The following APOL1 variants were observed in gnomAD, a reference collection of about 807,000 sequenced individuals.
APOL1 encodes apolipoprotein L 1.
APOL1 carries 17 observed loss-of-function variants against 14.9 expected under a neutral mutation model. The observed-to-expected ratio is 1.14, with a 90% confidence interval of 0.78 to 1.71. The LOEUF (loss-of-function observed/expected upper bound fraction) is 1.71, where lower values mean the gene tolerates loss of function less well. APOL1 is among the 40% of genes most tolerant of loss of function. APOL1 has a pLI of 0.00. For missense variants in APOL1, 523 were observed against 485.9 expected, an observed-to-expected ratio of 1.08 and a Z score of -0.72; for synonymous variants, 195 against 184.8, an observed-to-expected ratio of 1.05 and a Z score of -0.45.
intron 4 of APOL1, among the ~76,000 whole-genome samples, chr22:36,260,789 TA>T (rs1360866318): frequency 2.6e-5 from 4 of 152,192 alleles, no homozygotes; most frequent in Non-Finnish European, 5.9e-5. Context: ...GAATTTACAT[TA>T]AGGGATATAT....
chr22:36,265,920 G>C lies in APOL1; in HGVS notation c.1084G>C (p.Gly362Arg). Residue 362 changes from glycine to arginine, a missense_variant, in exon 6 of 6, where the codon GGG (glycine) becomes CGG (arginine). By Grantham distance (125) the Gly-to-Arg change is moderately radical (BLOSUM62 -2). Transcript: ENST00000397278. Reference sequence around the variant, plus strand: ...GTACGAATCAAAGCACTTACATGAGGGGGCAAAGTCAGAGACAGCTGAGGA... The same window carrying C: ...GTACGAATCAAAGCACTTACATGAGCGGGCAAAGTCAGAGACAGCTGAGGA... Reference protein sequence around the residue: ...LVYESKHLHEGAKSETAEELK... With the variant: ...LVYESKHLHERAKSETAEELK... 1 of 1,614,154 alleles carries C rather than the reference G, an allele frequency of 6.2e-7. No homozygotes were observed. The highest frequency in any genetic ancestry group is 8.5e-7 in the Non-Finnish European group (1 of 1,180,030).
At chr22:36,260,662 G>A (rs1018775325) in intron 4 of APOL1, among the ~76,000 whole-genome samples, 1 of 152,214 alleles carries the variant, frequency 6.6e-6, no homozygotes, top group Admixed American at 6.5e-5. Flanking sequence ...ATGTGTGGGT[G>A]TGATTACAGG....
intron 4 of APOL1, among the ~76,000 whole-genome samples, chr22:36,260,467 A>C (rs2016043126): frequency 6.6e-6 from 1 of 152,240 alleles, no homozygotes; most frequent in African/African-American, 2.4e-5. Context: ...CAGTGCACAC[A>C]CAAATACATA....
At position 36,259,598 on chromosome 22, in the gene APOL1, C is replaced by T. The variant is rs561199378; in HGVS notation, c.188-1998C>T. The T allele has an allele frequency of 5.1e-4, 626 of 1,231,896 alleles. 2 individuals carry two copies. In the South Asian group the frequency reaches 5.4e-3, roughly 11 times the overall value. The allele number at this position is 1,231,896 out of a possible 1,614,324, so 76.3% of individuals were successfully genotyped here. On this transcript the variant is annotated intron_variant, in intron 4 of 5. Transcript: ENST00000397278. ...CACTCAGCCGACCCCGGAATCCTTA[C>T]GAAGGGCTGGGCTGGGGGACTGAGG...
In APOL1 at chr22:36,267,385, C is replaced by T. The variant is rs2016308058; in HGVS notation, c.*1352C>T. 1 of 152,274 alleles carries T rather than the reference C, an allele frequency of 6.6e-6. No homozygotes were observed. Among genetic ancestry groups the T allele is most frequent in the South Asian group, 2.1e-4 (1 of 4,830 alleles). The allele number at this position is 152,274 out of a possible 1,614,324, so 9.4% of individuals were successfully genotyped here. ...CCAACCAATGAAAACAGTCCCATCG[C>T]TCTTACCCGGTAAGTAAACAGTCAG... On this transcript the variant is annotated 3_prime_UTR_variant, in exon 6 of 6. Coordinates refer to ENST00000397278, the MANE Select transcript of APOL1 (RefSeq NM_003661.4).
At chr22:36,254,599 C>T (rs2015796512) in intron 1 of APOL1, among the ~76,000 whole-genome samples, 1 of 152,118 alleles carries the variant, frequency 6.6e-6, no homozygotes, top group African/African-American at 2.4e-5. Flanking sequence ...CGCGGTGGCT[C>T]ACGCCTGTAA....
rs2146298817 is a variant in APOL1 at position 36,257,383 on chromosome 22, T to G, written c.163T>G (p.Trp55Gly). Residue 55 changes from tryptophan to glycine, a missense_variant, in exon 4 of 6, where the codon TGG (tryptophan) becomes GGG (glycine). Transcript: ENST00000397278. Reference sequence around the variant, plus strand: ...TCCTCAAAGTAAGCCCCTCGGTGACTGGGCTGCTGGCACCATGGACCCAGG... The same window carrying G: ...TCCTCAAAGTAAGCCCCTCGGTGACGGGGCTGCTGGCACCATGGACCCAGG... ...GDPQSKPLGD[W>G]AAGTMDPESS... The G allele has an allele frequency of 6.2e-7, 1 of 1,614,128 alleles. No individual in the cohort carries two copies. Among genetic ancestry groups the G allele is most frequent in the Middle Eastern group, 1.6e-4 (1 of 6,062 alleles).
chr22:36,266,704 G>C lies in APOL1; in HGVS notation c.*671G>C. On this transcript the variant is annotated 3_prime_UTR_variant, in exon 6 of 6. Transcript: ENST00000397278. ...GCGGATCACGAGGTCAGGAGATCGA[G>C]ACCATCCTGGCTAACACAGTGAAAC... The C allele has an allele frequency of 2.8e-6, 1 of 351,074 alleles. No homozygotes were observed. The highest frequency in any genetic ancestry group is 5.1e-6 in the Non-Finnish European group (1 of 194,526). 21.7% of individuals were successfully genotyped at this position (351,074 alleles called of 1,614,324 possible).
At position 36,257,399 on chromosome 22, in the gene APOL1, T is replaced by C. The variant is rs927273777; in HGVS notation, c.179T>C (p.Met60Thr). The C allele has an allele frequency of 5.0e-6, 8 of 1,613,856 alleles. No homozygotes were observed. Among genetic ancestry groups the C allele is most frequent in the African/African-American group, 2.7e-5 (2 of 74,914 alleles). The change falls in exon 4 of 6, where the codon ATG (methionine) becomes ACG (threonine). Residue 60 changes from methionine to threonine, a missense_variant. Coordinates refer to ENST00000397278, the MANE Select transcript of APOL1 (RefSeq NM_003661.4). ...KPLGDWAAGT[M>T]DPESSIFIED... is the part of the protein sequence containing the mutation. ...CTCGGTGACTGGGCTGCTGGCACCA[T>C]GGACCCAGGTAGGCTCACCTCCTCT...
chr22:36,264,344 G>T (rs763526203), intron 5 of APOL1, among the ~76,000 whole-genome samples: 1 of 152,122 alleles, frequency 6.6e-6, no homozygotes, highest in Non-Finnish European at 1.5e-5. Context: ...AAATCACCAG[G>T]CAAAGACAGA....
chr22:36,256,257 G>C (rs566137236), intron 2 of APOL1, among the ~76,000 whole-genome samples: 143 of 152,284 alleles, frequency 9.4e-4, no homozygotes, highest in African/African-American at 3.3e-3. Flanking sequence ...TATACTGCTA[G>C]TTTGAGTGTG....
At chr22:36,258,901 C>G (rs777160414) in intron 4 of APOL1, among the ~76,000 whole-genome samples, 1 of 152,062 alleles carries the variant, frequency 6.6e-6, no homozygotes. Flanking sequence ...GACCCAGCGC[C>G]GAGTTGGATC....
At chr22:36,253,789 G>C (rs1321805581) in intron 1 of APOL1, 1 of 698,650 alleles carries the variant, frequency 1.4e-6, no homozygotes, top group Non-Finnish European at 2.4e-6. Context: ...TGAGCAGGTA[G>C]ATCATAGGAC....
Position 36,266,876 on chromosome 22 carries a change from G to A in APOL1, c.*843G>A. The A allele has an allele frequency of 4.4e-6, 1 of 226,414 alleles. No homozygotes were observed. Among genetic ancestry groups the A allele is most frequent in the Non-Finnish European group, 8.5e-6 (1 of 117,858 alleles). The allele number at this position is 226,414 out of a possible 1,614,324, so 14.0% of individuals were successfully genotyped here. ...GCCGAGATATCGCCACTGCACTCCA[G>A]CCTGGGTGACAGAGCGAGACTCCAT... On this transcript the variant is annotated 3_prime_UTR_variant, in exon 6 of 6. Coordinates refer to ENST00000397278, the MANE Select transcript of APOL1 (RefSeq NM_003661.4).
At chr22:36,262,789 T>C (rs1603482187) in intron 5 of APOL1, among the ~76,000 whole-genome samples, 1 of 152,360 alleles carries the variant, frequency 6.6e-6, no homozygotes, top group East Asian at 1.9e-4. Flanking sequence ...TGGCAAGTTC[T>C]GGGCTACCCT....
In APOL1 at chr22:36,255,767, G is replaced by A. The variant is rs543873711; in HGVS notation, c.44+768G>A. 4.0e-5 allele frequency among the ~76,000 whole-genome samples: 6 copies of A among 151,124 alleles called. No homozygotes were observed. The South Asian group carries it at 6.3e-4, about 16-fold the overall frequency. On this transcript the variant is annotated intron_variant, in intron 2 of 5. Coordinates refer to ENST00000397278, the MANE Select transcript of APOL1 (RefSeq NM_003661.4). ...TGGAAGTGGGTGTGCCAGGGAGTGC[G>A]CAGAGACACACGGTGAGAAAAGAAC...
At chr22:36,255,079 C>A in intron 2 of APOL1, 80 bp downstream of exon 2, 1 of 1,499,768 alleles carries the variant, frequency 6.7e-7, no homozygotes, top group Non-Finnish European at 9.3e-7. Context: ...TTGGGCTGGG[C>A]CAGGGCCATC....
At position 36,265,901 on chromosome 22, in the gene APOL1, A is replaced by T; in HGVS notation, c.1065A>T (p.Glu355Asp). The T allele has an allele frequency of 6.2e-7, 1 of 1,614,174 alleles. No individual in the cohort carries two copies. Among genetic ancestry groups the T allele is most frequent in the South Asian group, 1.1e-5 (1 of 91,082 alleles). Residue 355 changes from glutamate (E) to aspartate (D), a missense_variant, in exon 6 of 6, where the codon GAA becomes GAT. Glu to Asp is a conservative substitution (Grantham distance 45, BLOSUM62 2). Coordinates refer to ENST00000397278, the MANE Select transcript of APOL1 (RefSeq NM_003661.4). ...TGGATGTAGTCTACCTCGTGTACGA[A>T]TCAAAGCACTTACATGAGGGGGCAA... ...LVLDVVYLVY[E>D]SKHLHEGAKS...
Position 36,265,661 on chromosome 22 carries a change from C to A in APOL1, c.825C>A (p.Leu275=). The A allele has an allele frequency of 6.2e-7, 1 of 1,600,974 alleles. No individual in the cohort carries two copies. The highest frequency in any genetic ancestry group is 8.5e-7 in the Non-Finnish European group (1 of 1,173,114). Residue 275 remains leucine (L), a synonymous_variant, in exon 6 of 6, where the codon CTC becomes CTA. Transcript: ENST00000397278. ...FLSLAGNTYQ[L]TRGIGKDIRA... ...CCTTAGCTGGCAATACTTACCAACT[C>A]ACACGAGGCATTGGGAAGGACATCC... is the stretch of plus-strand genomic sequence containing the variant.
Sources: gnomAD v4.1 joint callset for allele counts (sites outside exome capture counted in the v4.1 genomes callset) on GRCh38, gnomAD v4.1.1 for gene constraint, MANE v1.5 for transcripts, NCBI Gene and HGNC (gene_info 2026-07-23, HGNC 2026-07-21) for gene names.